The following CCDC68 variants were observed in gnomAD, a reference collection of about 807,000 sequenced individuals.
CCDC68 encodes coiled-coil domain containing 68.
Under a neutral mutation model 47.1 loss-of-function variants are expected in CCDC68, and 45 were observed. That is an observed-to-expected ratio of 0.96 (90% CI 0.75 to 1.23). The LOEUF is 1.23. Among genes scored for constraint, CCDC68 ranks in the 50% most tolerant of loss-of-function variants. The pLI is 0.00. For missense variants in CCDC68, 353 were observed against 373.6 expected (o/e 0.94, Z 0.45); for synonymous variants, 131 against 129.5 (o/e 1.01, Z -0.08).
intron 1 of CCDC68, among the ~76,000 whole-genome samples, chr18:54,949,104 G>A (rs370478230): frequency 2.6e-5 from 4 of 152,088 alleles, no homozygotes; most frequent in Non-Finnish European, 5.9e-5. Flanking sequence ...AGTGATTCTC[G>A]TGCCTCAGCT....
chr18:54,936,511 C>T (rs1276043769), intron 6 of CCDC68, among the ~76,000 whole-genome samples: 1 of 151,934 alleles, frequency 6.6e-6, no homozygotes, highest in Non-Finnish European at 1.5e-5. Context: ...GAGTCAACGG[C>T]AGAGCCCGAA....
chr18:54,919,212 T>G, intron 9 of CCDC68, 59 bp downstream of exon 9: 1 of 1,321,788 alleles, frequency 7.6e-7, no homozygotes, highest in Non-Finnish European at 1.1e-6. Flanking sequence ...GCCACTCGTA[T>G]TTGGGCTCCA....
At position 54,927,972 on chromosome 18, in the gene CCDC68, A is replaced by G. The variant is rs1050797020; in HGVS notation, c.683+828T>C. 3.3e-5 allele frequency among the ~76,000 whole-genome samples: 5 copies of G among 152,234 alleles called. No homozygotes were observed. The South Asian group carries it at 1.0e-3, about 32-fold the overall frequency. On this transcript the variant is annotated intron_variant, in intron 8 of 11. Transcript: ENST00000591504. The stretch of plus-strand genomic sequence containing the variant: ...AAAGAGGGATGTCTGAGCACACATC[A>G]TTGAATAAATGACAACAATTCTGTC...
At chr18:54,928,770 T>C (rs1030342533) in intron 8 of CCDC68, 30 bp downstream of exon 8, 2 of 1,436,040 alleles carry the variant, frequency 1.4e-6, no homozygotes, top group Admixed American at 3.4e-5. Flanking sequence ...AATCAGGAAC[T>C]GCCTTTACTT....
At chr18:54,904,504 T>C in intron 11 of CCDC68, 89 bp from the exon 12 acceptor site, 1 of 1,013,618 alleles carries the variant, frequency 9.9e-7, no homozygotes, top group East Asian at 2.4e-5. Context: ...ACCACAATAC[T>C]ATTCACATCA....
chr18:54,931,933 C>T (rs1378742795), intron 7 of CCDC68, among the ~76,000 whole-genome samples: 2 of 152,032 alleles, frequency 1.3e-5, no homozygotes, highest in Non-Finnish European at 2.9e-5. Flanking sequence ...ACGACCAGGC[C>T]AATATTTATC....
chr18:54,917,873 A>T, intron 10 of CCDC68, 40 bp downstream of exon 10: 15 of 1,113,296 alleles, frequency 1.3e-5, no homozygotes, highest in Non-Finnish European at 1.6e-5. Context: ...ACACACACTC[A>T]CACCCTCACA....
At chr18:54,958,893 T>G (rs77324698) in intron 1 of CCDC68, among the ~76,000 whole-genome samples, 6,338 of 152,280 alleles carry the variant, frequency 0.042, 154 homozygotes, top group Middle Eastern at 0.1. Flanking sequence ...TTCATTCATC[T>G]CTGCTCTTTA....
chr18:54,952,692 C>T, intron 1 of CCDC68, among the ~76,000 whole-genome samples: 1 of 152,172 alleles, frequency 6.6e-6, no homozygotes, highest in East Asian at 1.9e-4. Flanking sequence ...GTCAAATGTT[C>T]ACCAACAGGT....
intron 2 of CCDC68, among the ~76,000 whole-genome samples, chr18:54,944,947 C>A (rs1244665345): frequency 6.6e-6 from 1 of 151,942 alleles, no homozygotes; most frequent in Non-Finnish European, 1.5e-5. Context: ...GATTTTGATT[C>A]AAAAAAATCA....
chr18:54,941,165 C>T, intron 3 of CCDC68, 82 bp from the exon 4 acceptor site: 1 of 854,834 alleles, frequency 1.2e-6, no homozygotes, highest in Non-Finnish European at 1.9e-6. Flanking sequence ...TACAGGGTAC[C>T]TGATTATCTA....
At chr18:54,916,814 G>A (rs930728281) in intron 10 of CCDC68, among the ~76,000 whole-genome samples, 2 of 152,196 alleles carry the variant, frequency 1.3e-5, no homozygotes, top group African/African-American at 2.4e-5. Flanking sequence ...ATCCTCACCT[G>A]TCAAGGGCAG....
chr18:54,955,111 G>A (rs899028945), intron 1 of CCDC68, among the ~76,000 whole-genome samples: 11 of 152,130 alleles, frequency 7.2e-5, no homozygotes, highest in Non-Finnish European at 1.6e-4. Flanking sequence ...GCTTAAGGCT[G>A]GGAATTGGAG....
chr18:54,949,204 C>T (rs145874183), intron 1 of CCDC68, among the ~76,000 whole-genome samples: 21,220 of 152,140 alleles, frequency 0.14, 1,561 homozygotes, highest in Non-Finnish European at 0.16. Flanking sequence ...CCATGTTGGC[C>T]AGGCTGGTCT....
chr18:54,921,377 T>C (rs1357920418), intron 8 of CCDC68, among the ~76,000 whole-genome samples: 2 of 152,198 alleles, frequency 1.3e-5, no homozygotes, highest in Non-Finnish European at 2.9e-5. Flanking sequence ...TCAGAAGCTT[T>C]ATTTTAATTG....
intron 1 of CCDC68, among the ~76,000 whole-genome samples, chr18:54,951,525 G>A (rs2044620201): frequency 6.6e-6 from 1 of 152,192 alleles, no homozygotes; most frequent in Admixed American, 6.5e-5. Context: ...CTAGTTGGTG[G>A]CCATTGGATC....
chr18:54,913,171 T>C (rs1160509523), intron 10 of CCDC68, among the ~76,000 whole-genome samples: 1 of 152,206 alleles, frequency 6.6e-6, no homozygotes, highest in African/African-American at 2.4e-5. Flanking sequence ...ATCCTCAGTT[T>C]TGTCACTTGC....
rs780791225 is a variant in CCDC68, at chr18:54,934,975, T to C, written c.472-27A>G. On this transcript the variant is annotated intron_variant, in intron 6 of 11. Transcript: ENST00000591504. ...TATGGTCAGAGAATCAGTTGTGTTG[T>C]GAAAACTCTGTTTTTCTTAAACCTA... 3 of 1,515,862 alleles carry C rather than the reference T, an allele frequency of 2.0e-6. 1 individual carries two copies. In the South Asian group the frequency reaches 4.0e-5, roughly 20 times the overall value. 93.9% of individuals were successfully genotyped at this position (1,515,862 alleles called of 1,614,324 possible). A position where few individuals can be genotyped will look rare whatever the true frequency, so the allele number is the denominator to read the frequency against.
chr18:54,924,881 C>T (rs1228525300), intron 8 of CCDC68, among the ~76,000 whole-genome samples: 1 of 152,148 alleles, frequency 6.6e-6, no homozygotes. Flanking sequence ...TCACCGTGCC[C>T]TCTGTTCCCC....
Sources: gnomAD v4.1 joint callset for allele counts (sites outside exome capture counted in the v4.1 genomes callset) on GRCh38, gnomAD v4.1.1 for gene constraint, MANE v1.5 for transcripts, NCBI Gene and HGNC (gene_info 2026-07-23, HGNC 2026-07-21) for gene names.